Variants in MGAT5 observed in about 807,000 individuals in gnomAD.
MGAT5 encodes the protein alpha-1,6-mannosylglycoprotein 6-beta-N-acetylglucosaminyltransferase A.
In MGAT5, 30 loss-of-function variants were observed where a neutral mutation model predicts 94.3. That is an observed-to-expected ratio of 0.32 (90% CI 0.24 to 0.43). The LOEUF (loss-of-function observed/expected upper bound fraction) is 0.43, where lower values mean the gene tolerates loss of function less well. Among genes scored for constraint, MGAT5 ranks in the 20% least tolerant of loss-of-function variants. The pLI, the probability that MGAT5 is intolerant of heterozygous loss-of-function variation, is 1.00. For synonymous variants in MGAT5, 310 were observed against 322.9 expected, an observed-to-expected ratio of 0.96 and a Z score of 0.43; for missense variants, 691 against 905.5, an observed-to-expected ratio of 0.76 and a Z score of 3.04.
Position 134,220,785 on chromosome 2 carries a change from C to T in MGAT5, c.-142-33477C>T, listed in dbSNP as rs578052222. 5.9e-5 allele frequency among the ~76,000 whole-genome samples: 9 copies of T among 152,210 alleles called. No individual in the cohort carries two copies. In the East Asian group the frequency reaches 1.4e-3, roughly 23 times the overall value. On this transcript the variant is annotated intron_variant, in intron 1 of 16. Coordinates refer to the MGAT5 transcript ENST00000409645. Reference sequence around the variant, plus strand: ...CAGGGAACTTCCTTTTTTATCTTCACGTATGTTACTGACTCCTCACTCTGA... The same window carrying T: ...CAGGGAACTTCCTTTTTTATCTTCATGTATGTTACTGACTCCTCACTCTGA...
At chr2:134,427,628 AC>A (rs1017417999) in intron 13 of MGAT5, among the ~76,000 whole-genome samples, 1 of 152,104 alleles carries the variant, frequency 6.6e-6, no homozygotes, top group African/African-American at 2.4e-5. Context: ...CATGTTAAAG[AC>A]CACACTACTT....
At chr2:134,378,190 AGT>A (rs960030902) in intron 10 of MGAT5, among the ~76,000 whole-genome samples, 1 of 152,136 alleles carries the variant, frequency 6.6e-6, no homozygotes, top group Non-Finnish European at 1.5e-5. Flanking sequence ...TACAGGAGGA[AGT>A]GTTTTATATC....
chr2:134,247,017 A>G (rs1353102272), intron 1 of MGAT5, among the ~76,000 whole-genome samples: 1 of 152,198 alleles, frequency 6.6e-6, no homozygotes, highest in African/African-American at 2.4e-5. Context: ...AGTCAATGCA[A>G]GGTTAGCACC....
At position 134,192,536 on chromosome 2, in the gene MGAT5, A is replaced by G. The variant is rs540192907; in HGVS notation, c.-142-61726A>G. On this transcript the variant is annotated intron_variant, in intron 1 of 16. Transcript: ENST00000409645. ...AATTTTACTGAAAGAAACATGGGAT[A>G]TCACTGCTACACAAGCCTAAAAATC... Among the ~76,000 whole-genome samples, 11 of 152,348 alleles carry G rather than the reference A, an allele frequency of 7.2e-5. No homozygotes were observed. In the South Asian group the frequency reaches 2.1e-3, roughly 29 times the overall value.
In MGAT5 at chr2:134,183,158, G is replaced by A. The variant is rs181855172; in HGVS notation, c.-143+62867G>A. Among the ~76,000 whole-genome samples, 8 of 152,244 alleles carry A rather than the reference G, an allele frequency of 5.3e-5. No homozygotes were observed. The East Asian group carries it at 1.5e-3, about 29-fold the overall frequency. On this transcript the variant is annotated intron_variant, in intron 1 of 16. Transcript: ENST00000409645. ...GTTGATATTTGAAATATTCCCAAAT[G>A]TGGCAATTAAACAAACTGGGCAATT...
Position 134,317,929 on chromosome 2 carries a change from A to G in MGAT5, c.483+324A>G, listed in dbSNP as rs949197817. On this transcript the variant is annotated intron_variant, in intron 3 of 15. Transcript: ENST00000281923. ...AAGTGATCCTTGAAGGACCAATGACAAGGAACTGCTGTTATTTAGTGTCCA... is the reference window on the plus strand; with the variant it reads ...AAGTGATCCTTGAAGGACCAATGACGAGGAACTGCTGTTATTTAGTGTCCA... 2.7e-4 allele frequency among the ~76,000 whole-genome samples: 41 copies of G among 152,158 alleles called. 1 individual carries two copies. The highest frequency in any genetic ancestry group is 1.0e-4 in the Non-Finnish European group (7 of 68,026).
intron 10 of MGAT5, among the ~76,000 whole-genome samples, chr2:134,375,397 A>G (rs1681104504): frequency 6.6e-6 from 1 of 152,184 alleles, no homozygotes; most frequent in Non-Finnish European, 1.5e-5. Flanking sequence ...TGTGGTACTG[A>G]TTTCAAGGAA....
chr2:134,179,762 A>T (rs910762031), intron 1 of MGAT5, among the ~76,000 whole-genome samples: 10 of 152,152 alleles, frequency 6.6e-5, no homozygotes, highest in African/African-American at 2.4e-4. Context: ...CTCCATCTTA[A>T]ATAGGGGCTA....
chr2:134,273,818 G>T (rs946585739), intron 2 of MGAT5, among the ~76,000 whole-genome samples: 1 of 152,112 alleles, frequency 6.6e-6, no homozygotes, highest in Non-Finnish European at 1.5e-5. Context: ...GATTGAACTG[G>T]ATTTTTGAGC....
chr2:134,178,071 AGTTTT>A (rs1184504013), intron 1 of MGAT5, among the ~76,000 whole-genome samples: 14 of 151,990 alleles, frequency 9.2e-5, no homozygotes, highest in South Asian at 4.2e-4. Flanking sequence ...AGACAAAACC[AGTTTT>A]GTTTTGTTTT....
chr2:134,147,493 C>T (rs756292356), intron 1 of MGAT5, among the ~76,000 whole-genome samples: 1 of 150,480 alleles, frequency 6.6e-6, no homozygotes, highest in African/African-American at 2.5e-5. Flanking sequence ...GATCTTTTCA[C>T]ATGAAGTTGT....
intron 2 of MGAT5, among the ~76,000 whole-genome samples, chr2:134,292,154 AT>A (rs1204080986): frequency 2.0e-5 from 3 of 152,198 alleles, no homozygotes; most frequent in African/African-American, 7.2e-5. Flanking sequence ...GTGAATATCA[AT>A]TTAGTGAATG....
rs539687777 is a variant in MGAT5, at chr2:134,193,267, GACATGCCA to G, written c.-142-60987_-142-60980del. 2.0e-4 allele frequency among the ~76,000 whole-genome samples: 30 copies of G among 152,006 alleles called. No individual in the cohort carries two copies. The East Asian group carries it at 5.8e-3, about 29-fold the overall frequency. ...CCTCCCAAGCAGCTGGGACTACAGGGACATGCCAACATGCCTAGCTACTTTATTTTGTA... is the reference window on the plus strand; with the variant it reads ...CCTCCCAAGCAGCTGGGACTACAGGGACATGCCTAGCTACTTTATTTTGTA... On this transcript the variant is annotated intron_variant, in intron 1 of 16. Coordinates refer to the MGAT5 transcript ENST00000409645.
chr2:134,168,082 A>G (rs1371959323), intron 1 of MGAT5, among the ~76,000 whole-genome samples: 1 of 152,318 alleles, frequency 6.6e-6, no homozygotes, highest in Non-Finnish European at 1.5e-5. Context: ...TGGTTCTAGA[A>G]CTGCCTGTTT....
In MGAT5 at chr2:134,408,741, A is replaced by T. The variant is rs901202802; in HGVS notation, c.1531-4128A>T. Among the ~76,000 whole-genome samples, 4 of 152,342 alleles carry T rather than the reference A, an allele frequency of 2.6e-5. No individual in the cohort carries two copies. The East Asian group carries it at 5.8e-4, about 22-fold the overall frequency. ...GGTACCTGAAAGAAGGCAGATGGCC[A>T]GGGAGGGACCCTTTGGGCTACATGA... On this transcript the variant is annotated intron_variant, in intron 11 of 15. Coordinates refer to ENST00000281923, the MANE Select transcript of MGAT5 (RefSeq NM_002410.5).
intron 2 of MGAT5, among the ~76,000 whole-genome samples, chr2:134,285,571 A>C (rs891420977): frequency 6.6e-6 from 1 of 152,166 alleles, no homozygotes; most frequent in Non-Finnish European, 1.5e-5. Context: ...TAAAAGTATA[A>C]ATTTAAAGGT....
chr2:134,364,100 T>TC (rs1174311122), intron 10 of MGAT5, among the ~76,000 whole-genome samples: 1 of 152,226 alleles, frequency 6.6e-6, no homozygotes, highest in Non-Finnish European at 1.5e-5. Context: ...GGCAACTTTT[T>TC]CCCTTTCCCT....
At chr2:134,423,631 G>A (rs550223653) in intron 13 of MGAT5, among the ~76,000 whole-genome samples, 30 of 152,148 alleles carry the variant, frequency 2.0e-4, no homozygotes, top group East Asian at 3.8e-4. Context: ...ACTTAGTTGC[G>A]ATGCTTTAAG....
chr2:134,378,063 A>G (rs1292945637), intron 10 of MGAT5, among the ~76,000 whole-genome samples: 1 of 152,194 alleles, frequency 6.6e-6, no homozygotes, highest in African/African-American at 2.4e-5. Context: ...GTGGATTGAT[A>G]TTCAGCTCCA....
Sources: gnomAD v4.1 joint callset for allele counts (sites outside exome capture counted in the v4.1 genomes callset) on GRCh38, gnomAD v4.1.1 for gene constraint, MANE v1.5 for transcripts, NCBI Gene and HGNC (gene_info 2026-07-23, HGNC 2026-07-21) for gene names.